The following MSRA variants were observed in gnomAD, a reference collection of about 807,000 sequenced individuals.
The protein encoded by MSRA is methionine sulfoxide reductase A.
In MSRA, 54 loss-of-function variants were observed where a neutral mutation model predicts 31.3. The observed-to-expected ratio is 1.73, with a 90% confidence interval of 1.39 to 2.17. The LOEUF (loss-of-function observed/expected upper bound fraction) is 2.17, where lower values mean the gene tolerates loss of function less well. MSRA is among the 30% of genes most tolerant of loss of function. The pLI, the probability that MSRA is intolerant of heterozygous loss-of-function variation, is 0.00. For missense variants in MSRA, 507 were observed against 300.9 expected, an observed-to-expected ratio of 1.69 and a Z score of -5.07; for synonymous variants, 169 against 116.5, an observed-to-expected ratio of 1.45 and a Z score of -2.90.
chr8:10,110,708 G>C (rs895442133), intron 1 of MSRA, among the ~76,000 whole-genome samples: 9 of 152,164 alleles, frequency 5.9e-5, no homozygotes, highest in South Asian at 2.1e-4. Context: ...TCCCAGGCTG[G>C]CTGACCTGTG....
intron 5 of MSRA, chr8:10,353,621 C>A (rs1339992214): frequency 2.0e-5 from 9 of 456,184 alleles, no homozygotes; most frequent in African/African-American, 1.8e-4. Context: ...TTTAGGTACC[C>A]AAGCATGTTC....
intron 2 of MSRA, among the ~76,000 whole-genome samples, chr8:10,214,210 C>G (rs954128237): frequency 1.3e-5 from 2 of 152,112 alleles, no homozygotes; most frequent in African/African-American, 4.8e-5. Context: ...GTTCGCGTGA[C>G]CTTTTTTTGA....
At chr8:10,056,633 G>A (rs1054728756) in intron 1 of MSRA, among the ~76,000 whole-genome samples, 3 of 151,758 alleles carry the variant, frequency 2.0e-5, no homozygotes, top group African/African-American at 7.3e-5. Flanking sequence ...GATTGTGGAC[G>A]TTCCAGTCTC....
At chr8:10,063,484 G>C (rs559190376) in intron 1 of MSRA, among the ~76,000 whole-genome samples, 1 of 152,290 alleles carries the variant, frequency 6.6e-6, no homozygotes, top group South Asian at 2.1e-4. Context: ...CTCCTGCTCT[G>C]AGCTCCTTCC....
At chr8:10,156,926 C>A (rs1804203585) in intron 1 of MSRA, among the ~76,000 whole-genome samples, 1 of 149,670 alleles carries the variant, frequency 6.7e-6, no homozygotes, top group East Asian at 2.0e-4. Context: ...CATAACAATA[C>A]CTGTCATTTA....
At chr8:10,249,307 G>A (rs1010179439) in intron 3 of MSRA, among the ~76,000 whole-genome samples, 2 of 152,200 alleles carry the variant, frequency 1.3e-5, no homozygotes, top group East Asian at 3.9e-4. Context: ...TCAGTCTATT[G>A]TGAGTTTAGT....
chr8:10,261,627 C>A (rs1798489421), intron 3 of MSRA, among the ~76,000 whole-genome samples: 1 of 152,102 alleles, frequency 6.6e-6, no homozygotes, highest in African/African-American at 2.4e-5. Context: ...AATGTTACCG[C>A]CTGCCACACA....
At chr8:10,239,738 G>C (rs1020936043) in intron 2 of MSRA, among the ~76,000 whole-genome samples, 1 of 152,180 alleles carries the variant, frequency 6.6e-6, no homozygotes, top group Non-Finnish European at 1.5e-5. Context: ...AAGAGTGTGG[G>C]AACAAAAGCT....
intron 1 of MSRA, among the ~76,000 whole-genome samples, chr8:10,201,053 T>A (rs1359598641): frequency 6.6e-6 from 1 of 152,080 alleles, no homozygotes; most frequent in Non-Finnish European, 1.5e-5. Context: ...CACCATGACT[T>A]TGTGACCTGG....
intron 1 of MSRA, among the ~76,000 whole-genome samples, chr8:10,122,133 CCAG>C (rs1309350995): frequency 6.6e-6 from 1 of 152,004 alleles, no homozygotes; most frequent in Non-Finnish European, 1.5e-5. Flanking sequence ...GCAGAGCTAC[CCAG>C]CATGCTGCTG....
rs907391357 is a variant in MSRA at position 10,413,925 on chromosome 8, G to T, written c.544-14223G>T. The stretch of plus-strand genomic sequence containing the variant: ...TATACCTGCGATCATAGTGCTTTGG[G>T]AGGCTGAGGCAGGAGGATTGTTTGA... On this transcript the variant is annotated intron_variant, in intron 5 of 5. Coordinates refer to ENST00000317173, the MANE Select transcript of MSRA (RefSeq NM_012331.5). Among the ~76,000 whole-genome samples the T allele has an allele frequency of 2.0e-5, 3 of 152,322 alleles. No homozygotes were observed. The East Asian group carries it at 5.8e-4, about 29-fold the overall frequency.
chr8:10,266,387 C>G (rs1337706735), intron 3 of MSRA, among the ~76,000 whole-genome samples: 2 of 152,192 alleles, frequency 1.3e-5, no homozygotes, highest in African/African-American at 4.8e-5. Context: ...ATGTGTATGT[C>G]TTTCATAAAT....
intron 1 of MSRA, among the ~76,000 whole-genome samples, chr8:10,081,378 C>T (rs1417459827): frequency 6.6e-6 from 1 of 152,202 alleles, no homozygotes; most frequent in Non-Finnish European, 1.5e-5. Context: ...CTTAATATTT[C>T]TCTAAATTCT....
At chr8:10,364,395 A>G (rs1805038768) in intron 5 of MSRA, among the ~76,000 whole-genome samples, 1 of 152,150 alleles carries the variant, frequency 6.6e-6, no homozygotes, top group Non-Finnish European at 1.5e-5. Context: ...TGTGTCTCGA[A>G]ATCATCCTTG....
intron 1 of MSRA, among the ~76,000 whole-genome samples, chr8:10,152,151 T>C (rs1803734783): frequency 6.6e-6 from 1 of 152,198 alleles, no homozygotes; most frequent in Admixed American, 6.5e-5. Flanking sequence ...GAAAATCCCC[T>C]TGAAAAATCA....
intron 1 of MSRA, among the ~76,000 whole-genome samples, chr8:10,149,504 G>C (rs1158785406): frequency 6.6e-6 from 1 of 152,192 alleles, no homozygotes; most frequent in Non-Finnish European, 1.5e-5. Flanking sequence ...GAAGGGAGAA[G>C]GTCGCACCTT....
intron 1 of MSRA, among the ~76,000 whole-genome samples, chr8:10,081,080 C>T (rs1798270065): frequency 6.6e-6 from 1 of 152,190 alleles, no homozygotes; most frequent in African/African-American, 2.4e-5. Flanking sequence ...AGGGCAGGGC[C>T]ACAGGCCAAG....
At chr8:10,427,583 A>T (rs1463893165) in intron 5 of MSRA, among the ~76,000 whole-genome samples, 1 of 152,154 alleles carries the variant, frequency 6.6e-6, no homozygotes, top group African/African-American at 2.4e-5. Flanking sequence ...CCCCAGAGCC[A>T]CAGCGAGTGA....
chr8:10,272,729 G>T (rs1799113327), intron 3 of MSRA, among the ~76,000 whole-genome samples: 1 of 152,176 alleles, frequency 6.6e-6, no homozygotes, highest in Non-Finnish European at 1.5e-5. Flanking sequence ...TCGATACTAT[G>T]TAGATTTATG....
Sources: allele counts gnomAD v4.1 joint callset (sites outside exome capture counted in the v4.1 genomes callset), GRCh38; gene constraint gnomAD v4.1.1; transcripts MANE v1.5; gene names NCBI Gene and HGNC (gene_info 2026-07-23, HGNC 2026-07-21).